The following ZNF28 variants were observed in gnomAD, a reference collection of about 807,000 sequenced individuals.
ZNF28 encodes zinc finger protein KOX24.
ZNF28 carries 5 observed loss-of-function variants against 7.2 expected under a neutral mutation model. The ratio of observed to expected loss-of-function variants is 0.70; its 90% CI spans 0.36 to 1.46. The LOEUF is 1.46. Ranked by LOEUF, ZNF28 falls within the 40% of genes most tolerant of loss-of-function variation. The pLI, the probability that ZNF28 is intolerant of heterozygous loss-of-function variation, is 0.03. For missense variants in ZNF28, 879 were observed against 866.6 expected (o/e 1.01, Z -0.18); for synonymous variants, 288 against 292.4 (o/e 0.99, Z 0.15).
chr19:52,818,505 G>C (rs1172982293), intron 1 of ZNF28, among the ~76,000 whole-genome samples: 1 of 151,918 alleles, frequency 6.6e-6, no homozygotes. Flanking sequence ...TTGAGGTCAG[G>C]AGTTCAAGAG....
chr19:52,804,084 T>C (rs748755154), intron 3 of ZNF28, among the ~76,000 whole-genome samples: 1 of 152,236 alleles, frequency 6.6e-6, no homozygotes, highest in Non-Finnish European at 1.5e-5. Context: ...TACTCATGAA[T>C]AGGACTAGTG....
chr19:52,803,504 A>G (rs1310469227), intron 3 of ZNF28, among the ~76,000 whole-genome samples: 2 of 152,230 alleles, frequency 1.3e-5, no homozygotes, highest in Non-Finnish European at 2.9e-5. Flanking sequence ...AAGCAAGAAA[A>G]TAACAAGTAG....
chr19:52,799,120 G>A lies in ZNF28; in HGVS notation c.*568C>T. 2.4e-6 allele frequency: 1 copy of A among 413,328 alleles called. No homozygotes were observed. The highest frequency in any genetic ancestry group is 3.7e-5 in the Admixed American group (1 of 26,674). The allele number at this position is 413,328 out of a possible 1,614,324, so 25.6% of individuals were successfully genotyped here. A position where few individuals can be genotyped will look rare whatever the true frequency, so the allele number is the denominator to read the frequency against. Reference sequence around the variant, plus strand: ...CATTTGTAAGATTTCTCTGCAGTATGAAGACTATGATGACTTGCAAGGTGT... The same window carrying A: ...CATTTGTAAGATTTCTCTGCAGTATAAAGACTATGATGACTTGCAAGGTGT... On this transcript the variant is annotated 3_prime_UTR_variant, in exon 4 of 4. Transcript: ENST00000457749.
At position 52,818,032 on chromosome 19, in the gene ZNF28, C is replaced by A. The variant is rs2063149383; in HGVS notation, c.-73-1G>T. On this transcript the variant is annotated splice_acceptor_variant, in intron 1 of 3. Coordinates refer to ENST00000457749, the MANE Select transcript of ZNF28 (RefSeq NM_006969.5). LOFTEE classifies it low-confidence loss of function (5UTR_SPLICE). ...TACCAAGATTCTTTAGAAGTCAATC[C>A]TGAATGTTAAAAATATGTTGTTTAT... 6.2e-7 allele frequency: 1 copy of A among 1,601,106 alleles called. No homozygotes were observed. The highest frequency in any genetic ancestry group is 1.3e-5 in the African/African-American group (1 of 74,710).
chr19:52,809,469 T>C (rs1489527544), intron 2 of ZNF28, among the ~76,000 whole-genome samples: 1 of 152,118 alleles, frequency 6.6e-6, no homozygotes, highest in African/African-American at 2.4e-5. Flanking sequence ...GACACTGGCG[T>C]CTACTTGAGG....
chr19:52,801,315 G>A lies in ZNF28; in HGVS notation c.530C>T (p.Ser177Phe), dbSNP rs535966848. 4.1e-5 allele frequency: 66 copies of A among 1,614,010 alleles called. No homozygotes were observed. Among genetic ancestry groups the A allele is most frequent in the Non-Finnish European group, 4.9e-5 (58 of 1,180,030 alleles). Reference sequence around the variant, plus strand: ...TTTGGGCCTACAACAAATTCTTTGGGATGTTGAAACTGAGGAAGCATTGTT... The same window carrying A: ...TTTGGGCCTACAACAAATTCTTTGGAATGTTGAAACTGAGGAAGCATTGTT... ...SINNASSVSTSQRICCRPKTH... is the reference protein window; with the variant it reads ...SINNASSVSTFQRICCRPKTH... Residue 177 changes from serine to phenylalanine, a missense_variant, in exon 4 of 4, where the codon TCC becomes TTC. This residue lies in a region of ZNF28 where 864 missense variants were observed against 830.2 expected (regional missense o/e 1.04). Coordinates refer to ENST00000457749, the MANE Select transcript of ZNF28 (RefSeq NM_006969.5).
chr19:52,811,761 CG>C (rs1233512044), intron 2 of ZNF28, among the ~76,000 whole-genome samples: 1 of 125,256 alleles, frequency 8.0e-6, no homozygotes, highest in African/African-American at 3.2e-5. Context: ...GGAGGGAGGT[CG>C]GGGGGGTCAG....
chr19:52,810,606 C>A, intron 2 of ZNF28: 3 of 1,505,972 alleles, frequency 2.0e-6, no homozygotes, highest in Non-Finnish European at 2.8e-6. Flanking sequence ...CCACCAACTA[C>A]AGCAGTTCCT....
Position 52,801,605 on chromosome 19 carries a change from A to G in ZNF28, c.240T>C (p.His80=). ...HTGTLQRQAS[H]HIGDFCFQKI... ...TCTGGAAGCAAAAATCTCCAATGTG[A>G]TGACTTGCTTGTCTTTGCAATGTCC... Residue 80 remains histidine, a synonymous_variant, in exon 4 of 4, where the codon CAT becomes CAC. Transcript: ENST00000457749. 1 of 1,614,146 alleles carries G rather than the reference A, an allele frequency of 6.2e-7. No individual in the cohort carries two copies. Among genetic ancestry groups the G allele is most frequent in the Non-Finnish European group, 8.5e-7 (1 of 1,180,030 alleles).
At chr19:52,811,888 G>T (rs1277511871) in intron 2 of ZNF28, among the ~76,000 whole-genome samples, 1 of 125,000 alleles carries the variant, frequency 8.0e-6, no homozygotes, top group East Asian at 2.5e-4. Flanking sequence ...GGAGGGAGGT[G>T]GGGGGGACAG....
rs1439313707 is a variant in ZNF28, at chr19:52,818,017, CT to C, written c.-60del. The C allele has an allele frequency of 2.5e-6, 4 of 1,606,808 alleles. No homozygotes were observed. Among genetic ancestry groups the C allele is most frequent in the Admixed American group, 3.3e-5 (2 of 59,764 alleles). On this transcript the variant is annotated 5_prime_UTR_variant, in exon 2 of 4. Coordinates refer to ENST00000457749, the MANE Select transcript of ZNF28 (RefSeq NM_006969.5). ...GGTTTCTTCCTCACGTACCAAGATT[CT>C]TTAGAAGTCAATCCTGAATGTTAAA...
rs554833248 is a variant in ZNF28, at chr19:52,817,983, C to T, written c.-25G>A. 9 of 1,610,928 alleles carry T rather than the reference C, an allele frequency of 5.6e-6. No individual in the cohort carries two copies. In the African/African-American group the frequency reaches 9.3e-5, roughly 17 times the overall value. On this transcript the variant is annotated 5_prime_UTR_variant, in exon 2 of 4. Transcript: ENST00000457749. The stretch of plus-strand genomic sequence containing the variant: ...TCCCTGACTCCTTTGCTTTCCTCTT[C>T]CTCTTCTGGGTTTCTTCCTCACGTA...
intron 2 of ZNF28, chr19:52,814,168 G>A (rs1433786487): frequency 6.8e-6 from 1 of 146,818 alleles, no homozygotes; most frequent in African/African-American, 2.6e-5. Context: ...GCTGGAAGGA[G>A]GATGGAGGAC....
At chr19:52,803,554 AG>A (rs2062900027) in intron 3 of ZNF28, among the ~76,000 whole-genome samples, 1 of 152,374 alleles carries the variant, frequency 6.6e-6, no homozygotes, top group Admixed American at 6.5e-5. Flanking sequence ...TTCCCTCTTA[AG>A]AAAAAAGCCA....
intron 1 of ZNF28, among the ~76,000 whole-genome samples, chr19:52,820,200 C>T (rs1457873338): frequency 2.6e-5 from 3 of 113,818 alleles, no homozygotes; most frequent in Non-Finnish European, 5.3e-5. Flanking sequence ...TCACTGCAAG[C>T]TCTGCTTCCC....
At chr19:52,807,951 C>A (rs979390012) in intron 3 of ZNF28, 56 bp downstream of exon 3, 14 of 1,609,220 alleles carry the variant, frequency 8.7e-6, no homozygotes, top group South Asian at 2.2e-5. Flanking sequence ...TCCCAAGAGG[C>A]AACAAGAGAA....
intron 2 of ZNF28, chr19:52,810,155 T>C: frequency 1.1e-6 from 1 of 931,172 alleles, no homozygotes; most frequent in Non-Finnish European, 1.8e-6. Context: ...GGCTGGAAGC[T>C]ATCGAAGCTG....
chr19:52,805,905 G>A (rs1265219444), intron 3 of ZNF28: 1 of 151,910 alleles, frequency 6.6e-6, no homozygotes, highest in African/African-American at 2.4e-5. Context: ...GGTTGTACCC[G>A]AGAGGCAGAG....
Position 52,804,896 on chromosome 19 carries a change from T to G in ZNF28, c.142+3111A>C, listed in dbSNP as rs1338154489. Among the ~76,000 whole-genome samples the G allele has an allele frequency of 3.9e-5, 6 of 152,188 alleles. No individual in the cohort carries two copies. The South Asian group carries it at 1.2e-3, about 31-fold the overall frequency. Reference sequence around the variant, plus strand: ...CATCACCAAAGGCTGACAAATCTTATTAAACAAAGGAAGTTAAGAGTCTGT... The same window carrying G: ...CATCACCAAAGGCTGACAAATCTTAGTAAACAAAGGAAGTTAAGAGTCTGT... On this transcript the variant is annotated intron_variant, in intron 3 of 3. Transcript: ENST00000457749.
Sources: allele counts gnomAD v4.1 joint callset (sites outside exome capture counted in the v4.1 genomes callset), GRCh38; gene constraint gnomAD v4.1.1; regional missense constraint gnomAD v4.1.1; transcripts MANE v1.5; gene names NCBI Gene and HGNC (gene_info 2026-07-23, HGNC 2026-07-21).